The following CDCP1 variants were observed in gnomAD, a reference collection of about 807,000 sequenced individuals.
The protein encoded by CDCP1 is CUB domain containing protein 1, also known as CUB domain-containing protein 1.
CDCP1 carries 29 observed loss-of-function variants against 60.2 expected under a neutral mutation model. That is an observed-to-expected ratio of 0.48 (90% confidence interval 0.36 to 0.66). The LOEUF (loss-of-function observed/expected upper bound fraction) is 0.66, where lower values mean the gene tolerates loss of function less well. Among genes scored for constraint, CDCP1 ranks in the 30% least tolerant of loss-of-function variants. The pLI is 0.00. For missense variants in CDCP1, 876 were observed against 1,074.3 expected, an observed-to-expected ratio of 0.82 and a Z score of 2.58; for synonymous variants, 387 against 431.1, an observed-to-expected ratio of 0.90 and a Z score of 1.27.
chr3:45,086,733 C>T (rs1698201950), intron 8 of CDCP1, among the ~76,000 whole-genome samples: 1 of 152,224 alleles, frequency 6.6e-6, no homozygotes, highest in Non-Finnish European at 1.5e-5. Flanking sequence ...TTCAATAACA[C>T]CATTAGCATT....
At chr3:45,126,949 C>T (rs1699010759) in intron 1 of CDCP1, among the ~76,000 whole-genome samples, 1 of 152,182 alleles carries the variant, frequency 6.6e-6, no homozygotes, top group Non-Finnish European at 1.5e-5. Context: ...TGTCCCAGCT[C>T]TGACACCGGT....
chr3:45,091,199 G>C lies in CDCP1; in HGVS notation c.1967C>G (p.Ser656Trp). The change falls in exon 7 of 9, where the codon TCG (serine) becomes TGG (tryptophan). Residue 656 changes from serine to tryptophan, a missense_variant. Physicochemically the swap from Ser to Trp is radical, Grantham distance 177. Around this residue, in one of 2 missense-constraint regions of CDCP1, gnomAD observed 726 missense variants for 935.7 expected, o/e 0.78. Transcript: ENST00000296129. This position sits in a 1 kb window ranked among gnomAD's most constrained non-coding sequence, Gnocchi z 4.8. ...CACAGTCCTTGGGGTAAGTGTCACC[G>C]AGAAGAGCAGGTCTAGCTGCTTGCC... ...TSGKQLDLLF[S>W]VTLTPRTVDL... The C allele has an allele frequency of 1.2e-6, 2 of 1,613,488 alleles. No individual in the cohort carries two copies. Among genetic ancestry groups the C allele is most frequent in the Non-Finnish European group, 1.7e-6 (2 of 1,179,888 alleles).
chr3:45,126,118 C>CTTTCTT (rs1553610980), intron 1 of CDCP1, among the ~76,000 whole-genome samples: 1 of 128,422 alleles, frequency 7.8e-6, no homozygotes, highest in Non-Finnish European at 1.7e-5. Context: ...CTCTTTCTTT[C>CTTTCTT]TTTCTTTCTT....
chr3:45,137,170 C>T (rs138257865), intron 1 of CDCP1, among the ~76,000 whole-genome samples: 4 of 152,342 alleles, frequency 2.6e-5, no homozygotes, highest in African/African-American at 7.2e-5. Flanking sequence ...CAGAAGTAAT[C>T]TATGAATATG....
rs752331313 is a variant in CDCP1, at chr3:45,118,433, T to C, written c.271A>G (p.Ile91Val). The C allele has an allele frequency of 2.5e-6, 4 of 1,613,852 alleles. No individual in the cohort carries two copies. Among genetic ancestry groups the C allele is most frequent in the East Asian group, 4.5e-5 (2 of 44,892 alleles). The change falls in exon 2 of 9, where the codon ATA becomes GTA. Residue 91 changes from isoleucine to valine, a missense_variant. Ile to Val is a conservative substitution (Grantham distance 29). Around this residue, in one of 2 missense-constraint regions of CDCP1, gnomAD observed 150 missense variants for 138.6 expected, o/e 1.08. Transcript: ENST00000296129. Reference protein sequence around the residue: ...SCQSPENHFVIEIQKNIDCMS... With the variant: ...SCQSPENHFVVEIQKNIDCMS... ...TTACCAATATTTTTCTGGATCTCTA[T>C]GACAAAGTGATTCTCAGGACTCTGG...
intron 1 of CDCP1, among the ~76,000 whole-genome samples, chr3:45,124,781 G>A (rs925591154): frequency 6.6e-6 from 1 of 152,106 alleles, no homozygotes; most frequent in African/African-American, 2.4e-5. Flanking sequence ...AATTGTGGAT[G>A]TGCACACCAT....
chr3:45,101,200 C>G lies in CDCP1; in HGVS notation c.1025-5632G>C, dbSNP rs533511496. ...ATTGGCCAAAGCAAACCCACATGGC[C>G]AAGGCTGTGGTCAATGCAGTACCAA... is the stretch of plus-strand genomic sequence containing the variant. On this transcript the variant is annotated intron_variant, in intron 4 of 8. Coordinates refer to ENST00000296129, the MANE Select transcript of CDCP1 (RefSeq NM_022842.5). Among the ~76,000 whole-genome samples, 9 of 152,292 alleles carry G rather than the reference C, an allele frequency of 5.9e-5. No homozygotes were observed. The South Asian group carries it at 1.7e-3, about 28-fold the overall frequency.
At chr3:45,097,659 G>T (rs1340409538) in intron 4 of CDCP1, among the ~76,000 whole-genome samples, 2 of 152,194 alleles carry the variant, frequency 1.3e-5, no homozygotes, top group Non-Finnish European at 2.9e-5. Context: ...AAAAAGGCCT[G>T]CTAAACTTCC....
intron 1 of CDCP1, among the ~76,000 whole-genome samples, chr3:45,127,159 T>A (rs1483321118): frequency 1.3e-5 from 2 of 152,238 alleles, no homozygotes; most frequent in African/African-American, 4.8e-5. Context: ...ACAAGCACAC[T>A]GTATTACTGC....
chr3:45,117,555 G>A (rs999783064), intron 2 of CDCP1, among the ~76,000 whole-genome samples: 3 of 151,234 alleles, frequency 2.0e-5, no homozygotes, highest in African/African-American at 4.9e-5. Flanking sequence ...CTCTTCCACT[G>A]TGTCTTATGG....
At chr3:45,096,027 A>C (rs1380847105) in intron 4 of CDCP1, among the ~76,000 whole-genome samples, 1 of 152,232 alleles carries the variant, frequency 6.6e-6, no homozygotes, top group East Asian at 1.9e-4. Context: ...ACAAAGTGTT[A>C]CTGTATCCCA....
At chr3:45,092,108 A>C (rs773920684) in intron 6 of CDCP1, among the ~76,000 whole-genome samples, 1 of 152,188 alleles carries the variant, frequency 6.6e-6, no homozygotes, top group Non-Finnish European at 1.5e-5. Context: ...TATTAATTTA[A>C]ATTCAAATCA....
chr3:45,138,657 TGGCC>T (rs1699230512), intron 1 of CDCP1, among the ~76,000 whole-genome samples: 1 of 152,208 alleles, frequency 6.6e-6, no homozygotes, highest in Non-Finnish European at 1.5e-5. Flanking sequence ...GAGACCAGCC[TGGCC>T]GACATGGTGA....
intron 1 of CDCP1, among the ~76,000 whole-genome samples, chr3:45,128,267 AGTGCAG>A (rs914882653): frequency 6.6e-6 from 1 of 152,238 alleles, no homozygotes; most frequent in African/African-American, 2.4e-5. Flanking sequence ...GGGCATGCAC[AGTGCAG>A]GTGGGAAGTG....
At chr3:45,140,598 C>A (rs1166584951) in intron 1 of CDCP1, among the ~76,000 whole-genome samples, 1 of 152,142 alleles carries the variant, frequency 6.6e-6, no homozygotes, top group Non-Finnish European at 1.5e-5. Context: ...AGCTAGGGAG[C>A]CCTGGCAAGT....
chr3:45,136,684 C>T (rs2126008782), intron 1 of CDCP1, among the ~76,000 whole-genome samples: 1 of 152,360 alleles, frequency 6.6e-6, no homozygotes, highest in Admixed American at 6.5e-5. Flanking sequence ...ATCCCTTCTA[C>T]ACAACCACAT....
At chr3:45,134,148 CTTT>C (rs533789339) in intron 1 of CDCP1, among the ~76,000 whole-genome samples, 1 of 145,194 alleles carries the variant, frequency 6.9e-6, no homozygotes, top group Non-Finnish European at 1.5e-5. Flanking sequence ...CTACTTCTTT[CTTT>C]TTTTTTTTTT....
At chr3:45,088,947 G>A (rs1698245180) in intron 8 of CDCP1, 107 bp downstream of exon 8, 14 of 902,650 alleles carry the variant, frequency 1.6e-5, no homozygotes, top group Middle Eastern at 2.1e-4. Context: ...ATCTTTGGGG[G>A]AAAAAATGGG....
At chr3:45,125,832 C>G (rs1287936591) in intron 1 of CDCP1, among the ~76,000 whole-genome samples, 1 of 152,234 alleles carries the variant, frequency 6.6e-6, no homozygotes, top group Non-Finnish European at 1.5e-5. Context: ...TCTGCCTCAC[C>G]TAGCCATGGC....
Sources: gnomAD v4.1 joint callset for allele counts (sites outside exome capture counted in the v4.1 genomes callset) on GRCh38, gnomAD v4.1.1 for gene constraint, gnomAD v4.1.1 regional missense constraint, Gnocchi (gnomAD v3.1) non-coding constraint, MANE v1.5 for transcripts, NCBI Gene and HGNC (gene_info 2026-07-23, HGNC 2026-07-21) for gene names.